TTC28: variants seen among roughly 807,000 people sequenced by gnomAD.
TTC28 encodes the protein tetratricopeptide repeat domain 28, also known as tetratricopeptide repeat protein 28.
TTC28 carries 61 observed loss-of-function variants against 198.0 expected under a neutral mutation model. The ratio of observed to expected loss-of-function variants is 0.31; its 90% confidence interval spans 0.25 to 0.38. The LOEUF (loss-of-function observed/expected upper bound fraction) is 0.38. Ranked by LOEUF, TTC28 falls within the 10% of genes least tolerant of loss-of-function variation. TTC28 has a pLI of 1.00. For missense variants in TTC28, 2,678 were observed against 3,164.0 expected, an observed-to-expected ratio of 0.85 and a Z score of 3.69; for synonymous variants, 1,171 against 1,297.8, an observed-to-expected ratio of 0.90 and a Z score of 2.10.
At chr22:28,334,864 T>A (rs1198650422) in intron 2 of TTC28, among the ~76,000 whole-genome samples, 1 of 152,222 alleles carries the variant, frequency 6.6e-6, no homozygotes, top group Non-Finnish European at 1.5e-5. Context: ...TTTAATTAGA[T>A]CCCATTTGTC....
At chr22:28,462,571 CAATAAT>C (rs945623781) in intron 2 of TTC28, among the ~76,000 whole-genome samples, 1 of 152,256 alleles carries the variant, frequency 6.6e-6, no homozygotes, top group East Asian at 1.9e-4. Flanking sequence ...CCAACCTATA[CAATAAT>C]AATAATGACA....
At chr22:28,622,174 T>C (rs1192699201) in intron 2 of TTC28, among the ~76,000 whole-genome samples, 6 of 152,174 alleles carry the variant, frequency 3.9e-5, no homozygotes, top group Non-Finnish European at 7.3e-5. Context: ...GAAATACTGG[T>C]AGAAAAATAG....
At chr22:28,015,070 G>A (rs1938310318) in intron 13 of TTC28, among the ~76,000 whole-genome samples, 1 of 152,202 alleles carries the variant, frequency 6.6e-6, no homozygotes, top group African/African-American at 2.4e-5. Flanking sequence ...AGGACCCCAA[G>A]CTTCATACTT....
chr22:28,080,971 C>A (rs1941329546), intron 12 of TTC28, among the ~76,000 whole-genome samples: 1 of 152,006 alleles, frequency 6.6e-6, no homozygotes, highest in East Asian at 1.9e-4. Context: ...TGCCTTTGTA[C>A]CCTTGTCGAA....
intron 2 of TTC28, among the ~76,000 whole-genome samples, chr22:28,337,499 A>T (rs1401604011): frequency 6.6e-6 from 1 of 152,058 alleles, no homozygotes; most frequent in African/African-American, 2.4e-5. Flanking sequence ...GTCTCTAAGG[A>T]CTTGCTTTAT....
At chr22:27,988,859 T>G (rs1249084622) in intron 21 of TTC28, among the ~76,000 whole-genome samples, 1 of 152,232 alleles carries the variant, frequency 6.6e-6, no homozygotes, top group East Asian at 1.9e-4. Flanking sequence ...CATCTGCTTC[T>G]GCCTGCCATG....
chr22:28,390,665 C>A (rs1192712006), intron 2 of TTC28, among the ~76,000 whole-genome samples: 1 of 152,018 alleles, frequency 6.6e-6, no homozygotes, highest in African/African-American at 2.4e-5. Flanking sequence ...AGGATTACAA[C>A]CCCTGCCTTT....
chr22:28,511,012 C>CA (rs1366092692), intron 2 of TTC28, among the ~76,000 whole-genome samples: 8 of 151,816 alleles, frequency 5.3e-5, no homozygotes, highest in Non-Finnish European at 1.0e-4. Flanking sequence ...AGAGAGGACA[C>CA]AAAAAAATGG....
In TTC28 at chr22:28,105,667, G is replaced by C; in HGVS notation, c.2919C>G (p.Tyr973Ter). 1 of 1,551,890 alleles carries C rather than the reference G, an allele frequency of 6.4e-7. No individual in the cohort carries two copies. The highest frequency in any genetic ancestry group is 8.7e-7 in the Non-Finnish European group (1 of 1,147,044). The change falls in exon 8 of 23, where the codon TAC (tyrosine) becomes TAG (stop). Residue 973 changes from tyrosine to a stop codon, truncating the protein, a stop_gained. Coordinates refer to ENST00000397906, the MANE Select transcript of TTC28 (RefSeq NM_001145418.2). LOFTEE classifies it high-confidence loss of function. ...GTTCAAGGCAGGAAATGGCTTGTTC[G>C]TAATTCCCTAATTGGCTGTGCAGAC... is the stretch of plus-strand genomic sequence containing the variant. ...LGSLHSQLGN[Y>*]EQAISCLERQ...
chr22:28,458,132 A>G (rs1303585534), intron 2 of TTC28, among the ~76,000 whole-genome samples: 2 of 152,164 alleles, frequency 1.3e-5, no homozygotes, highest in East Asian at 3.8e-4. Flanking sequence ...GGTATAAAAT[A>G]TGTTTGCTGT....
At chr22:28,617,930 G>T in intron 2 of TTC28, among the ~76,000 whole-genome samples, 1 of 152,182 alleles carries the variant, frequency 6.6e-6, no homozygotes, top group East Asian at 1.9e-4. Context: ...GCAGAGATCA[G>T]TTGAGTCGGC....
At chr22:28,431,661 CTT>C (rs1214037389) in intron 2 of TTC28, among the ~76,000 whole-genome samples, 1 of 152,144 alleles carries the variant, frequency 6.6e-6, no homozygotes, top group Non-Finnish European at 1.5e-5. Flanking sequence ...ATATTTTCAT[CTT>C]GTTTCAATCA....
intron 2 of TTC28, among the ~76,000 whole-genome samples, chr22:28,536,346 C>T (rs1483297123): frequency 2.0e-5 from 3 of 151,800 alleles, no homozygotes; most frequent in East Asian, 1.9e-4. Context: ...TAGAGGCGGC[C>T]GGGCGCGGTG....
In TTC28 at chr22:28,257,739, C is replaced by CATATATAT. The variant is rs66590909; in HGVS notation, c.933+38451_933+38458dup. On this transcript the variant is annotated intron_variant, in intron 5 of 22. Transcript: ENST00000397906. ...TTACCATCTTTAGATGGTAATAGAA[C>CATATATAT]ATATATATATATATATATATATATA... Among the ~76,000 whole-genome samples, 880 of 96,152 alleles carry CATATATAT rather than the reference C, an allele frequency of 9.2e-3. 11 individuals are homozygous for CATATATAT. The highest frequency in any genetic ancestry group is 0.015 in the African/African-American group (324 of 21,246). 63.1% of individuals were successfully genotyped at this position (96,152 alleles called of 152,430 possible). A position where few individuals can be genotyped will look rare whatever the true frequency, so the allele number is the denominator to read the frequency against.
At chr22:28,197,494 T>C (rs56319632) in intron 5 of TTC28, among the ~76,000 whole-genome samples, 1 of 151,668 alleles carries the variant, frequency 6.6e-6, no homozygotes, top group African/African-American at 2.4e-5. Context: ...AAGACAAACA[T>C]AAAAACTAGA....
At chr22:28,090,500 T>C (rs115843769) in intron 12 of TTC28, among the ~76,000 whole-genome samples, 1,630 of 152,308 alleles carry the variant, frequency 0.011, 31 homozygotes, top group African/African-American at 0.037. Context: ...CAATGTCTTC[T>C]ATAATATATA....
At chr22:28,257,737 A>AACATAT (rs1555952241) in intron 5 of TTC28, among the ~76,000 whole-genome samples, 31 of 64,956 alleles carry the variant, frequency 4.8e-4, no homozygotes, top group African/African-American at 1.9e-3. Context: ...ATGGTAATAG[A>AACATAT]ACATATATAT....
chr22:28,552,810 C>T (rs1261186056), intron 2 of TTC28, among the ~76,000 whole-genome samples: 3 of 147,752 alleles, frequency 2.0e-5, no homozygotes, highest in Non-Finnish European at 4.5e-5. Flanking sequence ...CTCTCCCTCT[C>T]TTTCCACGGT....
At chr22:28,591,008 AACACACACACAC>A (rs55694132) in intron 2 of TTC28, among the ~76,000 whole-genome samples, 1,485 of 54,812 alleles carry the variant, frequency 0.027, 111 homozygotes, top group South Asian at 0.053. Context: ...CTCTGCCTCA[AACACACACACAC>A]ACACACACAC....
Sources: gnomAD v4.1 joint callset for allele counts (sites outside exome capture counted in the v4.1 genomes callset) on GRCh38, gnomAD v4.1.1 for gene constraint, MANE v1.5 for transcripts, NCBI Gene and HGNC (gene_info 2026-07-23, HGNC 2026-07-21) for gene names.